Variants in PLCL1 observed in about 807,000 individuals in gnomAD.
PLCL1 encodes inactive phospholipase C-like protein 1.
In PLCL1, 41 loss-of-function variants were observed where a neutral mutation model predicts 84.4. The observed-to-expected ratio is 0.49, with a 90% CI of 0.38 to 0.63. The LOEUF is 0.63. Among genes scored for constraint, PLCL1 ranks in the 30% least tolerant of loss-of-function variants. PLCL1 has a pLI of 0.00. For missense variants in PLCL1, 1,206 were observed against 1,367.8 expected, an observed-to-expected ratio of 0.88 and a Z score of 1.87; for synonymous variants, 490 against 488.3, an observed-to-expected ratio of 1.00 and a Z score of -0.05.
intron 1 of PLCL1, among the ~76,000 whole-genome samples, chr2:197,903,467 AATTTT>A (rs1688309309): frequency 1.2e-5 from 1 of 80,650 alleles, no homozygotes; most frequent in African/African-American, 5.1e-5. Flanking sequence ...ACTCCATTTA[AATTTT>A]TTTTTTTTTT....
Position 197,948,509 on chromosome 2 carries a change from A to AT in PLCL1, c.241-135237dup, listed in dbSNP as rs976906121. Among the ~76,000 whole-genome samples the AT allele has an allele frequency of 5.0e-3, 737 of 146,510 alleles. 3 individuals carry two copies. Among genetic ancestry groups the AT allele is most frequent in the African/African-American group, 0.013 (516 of 40,210 alleles). Reference sequence around the variant, plus strand: ...AAACTTTCCTGTAATGTGTGGCTTAATTTTTTTTTTTTGTTTTCACTCACT... The same window carrying AT: ...AAACTTTCCTGTAATGTGTGGCTTAATTTTTTTTTTTTTGTTTTCACTCACT... On this transcript the variant is annotated intron_variant, in intron 1 of 5. Coordinates refer to ENST00000428675, the MANE Select transcript of PLCL1 (RefSeq NM_006226.4).
chr2:198,089,102 G>A, intron 3 of PLCL1, 41 bp downstream of exon 3: 2 of 1,423,180 alleles, frequency 1.4e-6, no homozygotes, highest in Non-Finnish European at 2.0e-6. Flanking sequence ...GTGTGTGTGT[G>A]TGTGAAATCA....
At chr2:197,980,952 G>A (rs1419649180) in intron 1 of PLCL1, among the ~76,000 whole-genome samples, 1 of 152,162 alleles carries the variant, frequency 6.6e-6, no homozygotes, top group Non-Finnish European at 1.5e-5. Flanking sequence ...GGGGAAGGAT[G>A]TTTCATGCAC....
chr2:198,059,250 A>G (rs1692137349), intron 1 of PLCL1, among the ~76,000 whole-genome samples: 2 of 152,188 alleles, frequency 1.3e-5, no homozygotes, highest in Admixed American at 1.3e-4. Flanking sequence ...GACCTGACAA[A>G]ATTCTCTTTC....
chr2:198,023,582 C>T (rs1434410526), intron 1 of PLCL1, among the ~76,000 whole-genome samples: 1 of 152,112 alleles, frequency 6.6e-6, no homozygotes, highest in Non-Finnish European at 1.5e-5. Flanking sequence ...AAAAAGTGGG[C>T]GAAGGATATG....
intron 1 of PLCL1, among the ~76,000 whole-genome samples, chr2:197,948,481 T>C (rs1689324560): frequency 6.6e-6 from 1 of 152,158 alleles, no homozygotes; most frequent in African/African-American, 2.4e-5. Flanking sequence ...TTTTGAAATA[T>C]GTAAACTTTC....
intron 1 of PLCL1, among the ~76,000 whole-genome samples, chr2:197,889,512 A>C (rs991863206): frequency 6.6e-6 from 1 of 152,216 alleles, no homozygotes; most frequent in Non-Finnish European, 1.5e-5. Context: ...AACATTTTAA[A>C]CTTTTTTCTC....
At chr2:197,889,062 A>C (rs1687968942) in intron 1 of PLCL1, among the ~76,000 whole-genome samples, 1 of 152,146 alleles carries the variant, frequency 6.6e-6, no homozygotes, top group South Asian at 2.1e-4. Context: ...TATATGTGTA[A>C]AGTGAATGTG....
intron 1 of PLCL1, among the ~76,000 whole-genome samples, chr2:197,808,558 T>C (rs1025643267): frequency 6.6e-6 from 1 of 152,218 alleles, no homozygotes; most frequent in Non-Finnish European, 1.5e-5. Context: ...GCAAATGTTT[T>C]ATATTGAGAG....
chr2:197,954,994 A>G (rs1689457373), intron 1 of PLCL1, among the ~76,000 whole-genome samples: 2 of 152,050 alleles, frequency 1.3e-5, no homozygotes, highest in African/African-American at 4.8e-5. Flanking sequence ...AGAGGGCATG[A>G]TATGTATTCA....
At chr2:197,958,377 CA>C (rs531808263) in intron 1 of PLCL1, among the ~76,000 whole-genome samples, 2 of 148,558 alleles carry the variant, frequency 1.3e-5, no homozygotes, top group African/African-American at 2.5e-5. Context: ...AAAAGAATCG[CA>C]AAAAAAAACT....
At position 197,925,418 on chromosome 2, in the gene PLCL1, A is replaced by G. The variant is rs1332067425; in HGVS notation, c.240+120079A>G. ...CTGAGAAGAAATTTCTTCCCAAGTG[A>G]ATACAGTAGACTCTTGGCTTTCCCA... On this transcript the variant is annotated intron_variant, in intron 1 of 5. Transcript: ENST00000428675. 2.0e-5 allele frequency among the ~76,000 whole-genome samples: 3 copies of G among 152,178 alleles called. No individual in the cohort carries two copies. The South Asian group carries it at 6.2e-4, about 32-fold the overall frequency.
rs796630345 is a variant in PLCL1 at position 197,919,059 on chromosome 2, C to T, written c.240+113720C>T. 9.2e-5 allele frequency among the ~76,000 whole-genome samples: 14 copies of T among 151,734 alleles called. 1 individual carries two copies. Among genetic ancestry groups the T allele is most frequent in the African/African-American group, 3.1e-4 (13 of 41,328 alleles). On this transcript the variant is annotated intron_variant, in intron 1 of 5. Coordinates refer to ENST00000428675, the MANE Select transcript of PLCL1 (RefSeq NM_006226.4). ...TAGTGTTAAAAGATTTTACTTAATT[C>T]ATAATGAAGGAACAAGGCAGATGCT...
intron 3 of PLCL1, among the ~76,000 whole-genome samples, chr2:198,090,189 A>T (rs1030739760): frequency 1.3e-5 from 2 of 152,112 alleles, no homozygotes; most frequent in African/African-American, 4.8e-5. Flanking sequence ...TCCTTTGAAG[A>T]TATTAAAATC....
intron 5 of PLCL1, among the ~76,000 whole-genome samples, chr2:198,145,138 C>T (rs908809874): frequency 6.6e-6 from 1 of 152,098 alleles, no homozygotes; most frequent in African/African-American, 2.4e-5. Flanking sequence ...ATTATTATTA[C>T]TGAAGAGTTG....
chr2:198,052,137 C>T (rs56249674), intron 1 of PLCL1, among the ~76,000 whole-genome samples: 82 of 152,354 alleles, frequency 5.4e-4, no homozygotes, highest in Non-Finnish European at 9.7e-4. Flanking sequence ...GTCTCGAACT[C>T]CCTACCTCAG....
chr2:197,875,489 G>A (rs781620769), intron 1 of PLCL1, among the ~76,000 whole-genome samples: 6 of 152,018 alleles, frequency 3.9e-5, no homozygotes, highest in Non-Finnish European at 5.9e-5. Flanking sequence ...TTGTTGACCT[G>A]GTTGATGGCT....
intron 3 of PLCL1, among the ~76,000 whole-genome samples, chr2:198,090,884 T>C (rs1693011508): frequency 6.6e-6 from 1 of 152,172 alleles, no homozygotes; most frequent in Non-Finnish European, 1.5e-5. Context: ...GGCTGGGCAA[T>C]TGCCATTTCA....
chr2:197,875,061 G>A (rs1175816254), intron 1 of PLCL1, among the ~76,000 whole-genome samples: 5 of 152,042 alleles, frequency 3.3e-5, no homozygotes, highest in African/African-American at 7.2e-5. Flanking sequence ...CGAGGTGGGC[G>A]GATCATTTGA....
Sources: gnomAD v4.1 joint callset for allele counts (sites outside exome capture counted in the v4.1 genomes callset) on GRCh38, gnomAD v4.1.1 for gene constraint, MANE v1.5 for transcripts, NCBI Gene and HGNC (gene_info 2026-07-23, HGNC 2026-07-21) for gene names.